PDE4D: variants seen among roughly 807,000 people sequenced by gnomAD.
The protein encoded by PDE4D is phosphodiesterase 4D, also known as 3',5'-cyclic-AMP phosphodiesterase 4D.
Under a neutral mutation model 87.4 loss-of-function variants are expected in PDE4D, and 24 were observed. The ratio of observed to expected loss-of-function variants is 0.27; its 90% CI spans 0.20 to 0.39. The LOEUF is 0.39. Among genes scored for constraint, PDE4D ranks in the 10% least tolerant of loss-of-function variants. The pLI is 1.00. For missense variants in PDE4D, 714 were observed against 1,041.0 expected (o/e 0.69, Z 4.32); for synonymous variants, 384 against 383.2 (o/e 1.00, Z -0.02).
intron 1 of PDE4D, among the ~76,000 whole-genome samples, chr5:59,701,433 G>T (rs1752549978): frequency 6.6e-6 from 1 of 152,186 alleles, no homozygotes; most frequent in African/African-American, 2.4e-5. Context: ...AGTGTCTTCA[G>T]TATACCTAGA....
chr5:60,080,424 A>G (rs1452978119), intron 2 of PDE4D, among the ~76,000 whole-genome samples: 1 of 152,168 alleles, frequency 6.6e-6, no homozygotes, highest in Non-Finnish European at 1.5e-5. Context: ...AATGTAGAAT[A>G]GGAGTGGTGA....
intron 1 of PDE4D, among the ~76,000 whole-genome samples, chr5:60,463,637 C>T (rs1015754429): frequency 2.0e-5 from 3 of 152,196 alleles, no homozygotes; most frequent in African/African-American, 7.2e-5. Flanking sequence ...TCTGCTAGAG[C>T]AGTACAGGCT....
At chr5:60,290,721 C>A (rs1023988980) in intron 1 of PDE4D, among the ~76,000 whole-genome samples, 1 of 152,114 alleles carries the variant, frequency 6.6e-6, no homozygotes, top group African/African-American at 2.4e-5. Context: ...GGGAGAATCA[C>A]CTGAGCTTGG....
chr5:60,053,164 T>C (rs1157539783), intron 2 of PDE4D, among the ~76,000 whole-genome samples: 1 of 152,200 alleles, frequency 6.6e-6, no homozygotes, highest in Non-Finnish European at 1.5e-5. Context: ...ACCACTGACT[T>C]TCTTCACAGA....
At position 59,535,099 on chromosome 5, in the gene PDE4D, T is replaced by C. The variant is rs527856291; in HGVS notation, c.456-319131A>G. Among the ~76,000 whole-genome samples, 137 of 150,998 alleles carry C rather than the reference T, an allele frequency of 9.1e-4. 2 individuals carry two copies. Among genetic ancestry groups the C allele is most frequent in the African/African-American group, 3.3e-3 (134 of 41,156 alleles). On this transcript the variant is annotated intron_variant, in intron 1 of 14. Coordinates refer to ENST00000340635, the MANE Select transcript of PDE4D (RefSeq NM_001104631.2). The stretch of plus-strand genomic sequence containing the variant: ...TGTGGGGGGGGGGTCCTCTATCATG[T>C]ATCTAGCTGATTCAAATCATTTTTT...
At chr5:59,619,066 TA>T (rs1239541468) in intron 1 of PDE4D, among the ~76,000 whole-genome samples, 4 of 152,196 alleles carry the variant, frequency 2.6e-5, no homozygotes, top group Admixed American at 6.5e-5. Flanking sequence ...CCCATGTATA[TA>T]AAAAACTTTG....
At position 59,187,431 on chromosome 5, in the gene PDE4D, G is replaced by A. The variant is rs532245167; in HGVS notation, c.685-2169C>T. Among the ~76,000 whole-genome samples, 5 of 152,110 alleles carry A rather than the reference G, an allele frequency of 3.3e-5. No individual in the cohort carries two copies. In the South Asian group the frequency reaches 8.3e-4, roughly 25 times the overall value. On this transcript the variant is annotated intron_variant, in intron 3 of 14. Transcript: ENST00000340635. ...AAATTATTATTACTTCTGAAAAGAC[G>A]CAATAGAAACAGATTAACCTGGGGA...
rs377501054 is a variant in PDE4D, at chr5:60,021,048, G to C, written c.43-32331C>G. On this transcript the variant is annotated intron_variant, in intron 2 of 16. Coordinates refer to the PDE4D transcript ENST00000502484. The stretch of plus-strand genomic sequence containing the variant: ...TATGACAATTTGGAGATTTTTAATA[G>C]CCAGCTATTTGTTCATCTTATAGCT... Among the ~76,000 whole-genome samples the C allele has an allele frequency of 6.6e-5, 10 of 152,234 alleles. No individual in the cohort carries two copies. The East Asian group carries it at 1.9e-3, about 29-fold the overall frequency.
chr5:59,657,491 T>A (rs867741042), intron 1 of PDE4D, among the ~76,000 whole-genome samples: 31 of 152,282 alleles, frequency 2.0e-4, no homozygotes, highest in Non-Finnish European at 2.9e-5. Flanking sequence ...AAGTTTTAGA[T>A]AAAAAATAAA....
At chr5:59,964,961 G>A (rs1759864397) in intron 3 of PDE4D, among the ~76,000 whole-genome samples, 1 of 151,758 alleles carries the variant, frequency 6.6e-6, no homozygotes, top group Non-Finnish European at 1.5e-5. Flanking sequence ...GCTCTATTTT[G>A]CTTCAAGGCC....
At chr5:59,181,571 T>TATATATATATATATA (rs1554090340) in intron 4 of PDE4D, among the ~76,000 whole-genome samples, 2 of 133,582 alleles carry the variant, frequency 1.5e-5, no homozygotes, top group African/African-American at 2.9e-5. Flanking sequence ...TATATATATA[T>TATATATATATATATA]TAGGTATATA....
chr5:60,375,590 C>A (rs933946680), intron 1 of PDE4D, among the ~76,000 whole-genome samples: 1 of 152,138 alleles, frequency 6.6e-6, no homozygotes, highest in Non-Finnish European at 1.5e-5. Flanking sequence ...GAAAAAGATG[C>A]CCCTTTTACA....
At chr5:59,406,395 T>C (rs28369243) in intron 1 of PDE4D, among the ~76,000 whole-genome samples, 12 of 33,228 alleles carry the variant, frequency 3.6e-4, no homozygotes, top group East Asian at 1.1e-3. Flanking sequence ...TATCTTTCCT[T>C]CCCCCCCCCC....
At chr5:60,229,140 C>G (rs1033862327) in intron 1 of PDE4D, among the ~76,000 whole-genome samples, 1 of 152,038 alleles carries the variant, frequency 6.6e-6, no homozygotes, top group Non-Finnish European at 1.5e-5. Context: ...CATTGGAAAG[C>G]TGAAAATTTT....
intron 1 of PDE4D, among the ~76,000 whole-genome samples, chr5:60,414,582 A>G (rs1742325705): frequency 6.6e-6 from 1 of 152,250 alleles, no homozygotes; most frequent in South Asian, 2.1e-4. Context: ...TTCAAGGAGA[A>G]AGAAAAGACA....
chr5:59,949,434 C>CAAAAAAAAAAAAAAAAAA (rs59654913), intron 3 of PDE4D, among the ~76,000 whole-genome samples: 1 of 57,598 alleles, frequency 1.7e-5, no homozygotes, highest in African/African-American at 6.1e-5. Context: ...CTCCGTCTCA[C>CAAAAAAAAAAAAAAAAAA]AAAAAAAAAA....
chr5:59,309,999 A>G (rs1471414933), intron 1 of PDE4D, among the ~76,000 whole-genome samples: 2 of 152,078 alleles, frequency 1.3e-5, no homozygotes, highest in East Asian at 1.9e-4. Flanking sequence ...TCACCAGCCC[A>G]TCTCCAGAAA....
intron 2 of PDE4D, among the ~76,000 whole-genome samples, chr5:60,049,713 G>T (rs540038092): frequency 1.0e-3 from 153 of 152,342 alleles, no homozygotes; most frequent in Non-Finnish European, 1.8e-3. Context: ...TGAGGAGGCA[G>T]TCTGCCCGTT....
intron 2 of PDE4D, among the ~76,000 whole-genome samples, chr5:60,128,590 G>A (rs950052349): frequency 6.6e-6 from 1 of 152,244 alleles, no homozygotes; most frequent in Non-Finnish European, 1.5e-5. Flanking sequence ...CCAGGTGGAA[G>A]GCAGCTGGTG....
Sources: allele counts gnomAD v4.1 joint callset (sites outside exome capture counted in the v4.1 genomes callset), GRCh38; gene constraint gnomAD v4.1.1; transcripts MANE v1.5; gene names NCBI Gene and HGNC (gene_info 2026-07-23, HGNC 2026-07-21).